The following MINPP1 variants were observed in gnomAD, a reference collection of about 807,000 sequenced individuals.
MINPP1 encodes multiple inositol polyphosphate phosphatase 1.
Under a neutral mutation model 46.1 loss-of-function variants are expected in MINPP1, and 28 were observed. The ratio of observed to expected loss-of-function variants is 0.61; its 90% confidence interval spans 0.45 to 0.83. The LOEUF is 0.83. Among genes scored for constraint, MINPP1 ranks in the 40% least tolerant of loss-of-function variants. The probability of loss-of-function intolerance (pLI) is 0.00; values close to 1 mark genes in which losing one functional copy is unlikely to be tolerated. For missense variants in MINPP1, 603 were observed against 610.0 expected, an observed-to-expected ratio of 0.99 and a Z score of 0.12; for synonymous variants, 268 against 249.1, an observed-to-expected ratio of 1.08 and a Z score of -0.72.
intron 1 of MINPP1, 173 bp from the exon 2 acceptor site, chr10:87,508,163 A>T: frequency 6.5e-7 from 1 of 1,541,804 alleles, no homozygotes; most frequent in East Asian, 2.4e-5. Context: ...TACAGCCATT[A>T]TAAATGGGGA....
chr10:87,507,950 A>G lies in MINPP1; in HGVS notation c.638-386A>G, dbSNP rs960743485. Reference sequence around the variant, plus strand: ...TCTGTTTAGACTTTGGCTTAGAGTGAAAAAATAGATTCCATATGTTGAATT... The same window carrying G: ...TCTGTTTAGACTTTGGCTTAGAGTGGAAAAATAGATTCCATATGTTGAATT... On this transcript the variant is annotated intron_variant, in intron 1 of 4. Coordinates refer to ENST00000371996, the MANE Select transcript of MINPP1 (RefSeq NM_004897.5). The G allele has an allele frequency of 2.5e-5, 33 of 1,320,302 alleles. No homozygotes were observed. In the African/African-American group the frequency reaches 3.4e-4, roughly 14 times the overall value. 81.8% of individuals were successfully genotyped at this position (1,320,302 alleles called of 1,614,324 possible).
At chr10:87,517,048 A>G (rs944064262) in intron 3 of MINPP1, among the ~76,000 whole-genome samples, 4 of 152,178 alleles carry the variant, frequency 2.6e-5, no homozygotes, top group African/African-American at 9.6e-5. Context: ...AACAACATAC[A>G]CTGGGGCCTT....
At chr10:87,526,958 G>T (rs1262628370) in intron 4 of MINPP1, among the ~76,000 whole-genome samples, 3 of 152,098 alleles carry the variant, frequency 2.0e-5, no homozygotes, top group African/African-American at 4.8e-5. Context: ...GACTTGTAGT[G>T]TAGTTTGAAG....
rs183174744 is a variant in MINPP1 at position 87,514,306 on chromosome 10, A to G, written c.933+1085A>G. 3.0e-3 allele frequency among the ~76,000 whole-genome samples: 459 copies of G among 152,344 alleles called. 3 individuals are homozygous for G. The highest frequency in any genetic ancestry group is 2.4e-3 in the Non-Finnish European group (165 of 68,026). The stretch of plus-strand genomic sequence containing the variant: ...AAGAACATTCTTTTGTATAACCACA[A>G]TACAGAATACTATAGTTCATATTTA... On this transcript the variant is annotated intron_variant, in intron 3 of 4. Transcript: ENST00000371996.
At chr10:87,531,849 A>G (rs958215121) in intron 4 of MINPP1, among the ~76,000 whole-genome samples, 5 of 152,208 alleles carry the variant, frequency 3.3e-5, no homozygotes, top group African/African-American at 7.2e-5. Flanking sequence ...CCAAGATTAT[A>G]TATATGAAAA....
At chr10:87,512,250 AGTAAT>A (rs1315640423) in intron 2 of MINPP1, among the ~76,000 whole-genome samples, 1 of 152,228 alleles carries the variant, frequency 6.6e-6, no homozygotes, top group Non-Finnish European at 1.5e-5. Flanking sequence ...TGTATCTCAA[AGTAAT>A]GTAATCAGCA....
chr10:87,542,490 G>A (rs1051135313), intron 4 of MINPP1, among the ~76,000 whole-genome samples: 28 of 152,068 alleles, frequency 1.8e-4, no homozygotes, highest in African/African-American at 5.6e-4. Context: ...AGTAGAGACC[G>A]GATTCCGCCA....
At chr10:87,548,043 A>G (rs1851912288) in intron 4 of MINPP1, among the ~76,000 whole-genome samples, 1 of 152,202 alleles carries the variant, frequency 6.6e-6, no homozygotes, top group Non-Finnish European at 1.5e-5. Flanking sequence ...GTAGTTTTCA[A>G]GCTTCTTAGT....
rs114533329 is a variant in MINPP1 at position 87,535,602 on chromosome 10, G to A, written c.1067+14433G>A. On this transcript the variant is annotated intron_variant, in intron 4 of 4. Transcript: ENST00000371996. The stretch of plus-strand genomic sequence containing the variant: ...GTGTTATCTATGCCAGAGAAAAACA[G>A]TATACTTTACCTGTCATCTAGATGC... Among the ~76,000 whole-genome samples the A allele has an allele frequency of 9.6e-3, 1,467 of 152,226 alleles. 21 individuals carry two copies. Among genetic ancestry groups the A allele is most frequent in the African/African-American group, 0.033 (1,382 of 41,522 alleles).
At chr10:87,545,807 G>A (rs1337371475) in intron 4 of MINPP1, among the ~76,000 whole-genome samples, 3 of 151,906 alleles carry the variant, frequency 2.0e-5, no homozygotes, top group Admixed American at 2.0e-4. Flanking sequence ...ATTACTGATT[G>A]GAGATTTGGC....
At chr10:87,543,609 A>C (rs1276933684) in intron 4 of MINPP1, among the ~76,000 whole-genome samples, 1 of 152,234 alleles carries the variant, frequency 6.6e-6, no homozygotes, top group Non-Finnish European at 1.5e-5. Context: ...AGCTATGATC[A>C]CTAAAATGAG....
At chr10:87,513,034 T>C (rs1258333330) in intron 2 of MINPP1, 90 bp from the exon 3 acceptor site, 1 of 870,866 alleles carries the variant, frequency 1.1e-6, no homozygotes, top group African/African-American at 1.7e-5. Flanking sequence ...TTTATTGAGC[T>C]GTACCACACA....
chr10:87,548,207 A>G (rs1366922711), intron 4 of MINPP1, among the ~76,000 whole-genome samples: 5 of 152,180 alleles, frequency 3.3e-5, no homozygotes, highest in Non-Finnish European at 5.9e-5. Flanking sequence ...AGCGCATTCA[A>G]TTCTTCCTTA....
rs192141688 is a variant in MINPP1 at position 87,514,237 on chromosome 10, A to G, written c.933+1016A>G. On this transcript the variant is annotated intron_variant, in intron 3 of 4. Transcript: ENST00000371996. Reference sequence around the variant, plus strand: ...ATAATCTTTTTTTCCCCGCCCCACCATCAGGATGCTTCACCCTTAAATACT... The same window carrying G: ...ATAATCTTTTTTTCCCCGCCCCACCGTCAGGATGCTTCACCCTTAAATACT... Among the ~76,000 whole-genome samples, 285 of 152,296 alleles carry G rather than the reference A, an allele frequency of 1.9e-3. 2 individuals are homozygous for G. The highest frequency in any genetic ancestry group is 6.4e-3 in the African/African-American group (264 of 41,570).
At chr10:87,514,018 C>T (rs1851374657) in intron 3 of MINPP1, among the ~76,000 whole-genome samples, 1 of 152,130 alleles carries the variant, frequency 6.6e-6, no homozygotes, top group South Asian at 2.1e-4. Context: ...TCCTTCCTGC[C>T]TGCCTCTCGT....
At chr10:87,528,648 A>G (rs1851612781) in intron 4 of MINPP1, among the ~76,000 whole-genome samples, 1 of 152,176 alleles carries the variant, frequency 6.6e-6, no homozygotes, top group African/African-American at 2.4e-5. Context: ...CAATTTTGGA[A>G]TAAGTGTGAT....
chr10:87,550,553 C>T (rs540147360), intron 4 of MINPP1, among the ~76,000 whole-genome samples: 11 of 152,164 alleles, frequency 7.2e-5, no homozygotes, highest in African/African-American at 2.6e-4. Context: ...TTATTCTGCT[C>T]CTTATTTTTT....
At chr10:87,512,452 TC>T (rs1851348789) in intron 2 of MINPP1, among the ~76,000 whole-genome samples, 2 of 152,148 alleles carry the variant, frequency 1.3e-5, no homozygotes, top group Non-Finnish European at 2.9e-5. Flanking sequence ...ACCTTGCACT[TC>T]CTTCCCTCTC....
chr10:87,511,212 C>CAG (rs1851329802), intron 2 of MINPP1, among the ~76,000 whole-genome samples: 5 of 152,060 alleles, frequency 3.3e-5, no homozygotes, highest in Non-Finnish European at 5.9e-5. Context: ...AAAGGATTCG[C>CAG]CCTTTGCTTG....
Sources: allele counts gnomAD v4.1 joint callset (sites outside exome capture counted in the v4.1 genomes callset), GRCh38; gene constraint gnomAD v4.1.1; transcripts MANE v1.5; gene names NCBI Gene and HGNC (gene_info 2026-07-23, HGNC 2026-07-21).